SPMAP2L: variants seen among roughly 807,000 people sequenced by gnomAD.
The protein encoded by SPMAP2L is sperm microtubule associated protein 2-like.
chr4:56,602,521 C>T, the SPMAP2L span, among the ~76,000 whole-genome samples: 2 of 151,934 alleles, frequency 1.3e-5, no homozygotes, highest in African/African-American at 2.4e-5. Context: ...GGTGAAACCC[C>T]GTCTGTACTA....
At chr4:56,610,260 A>G in the SPMAP2L span, among the ~76,000 whole-genome samples, 1 of 151,114 alleles carries the variant, frequency 6.6e-6, no homozygotes, top group Admixed American at 6.6e-5. Flanking sequence ...ACATAGTCCA[A>G]TGGAACAGAT....
chr4:56,555,794 G>A, the SPMAP2L span, among the ~76,000 whole-genome samples: 3 of 151,810 alleles, frequency 2.0e-5, no homozygotes, highest in Non-Finnish European at 4.4e-5. Flanking sequence ...GTGGACTTTT[G>A]TATATTAATG....
chr4:56,623,487 G>T, the SPMAP2L span, among the ~76,000 whole-genome samples: 3 of 152,136 alleles, frequency 2.0e-5, no homozygotes, highest in African/African-American at 7.2e-5. Flanking sequence ...CCTAGAGAGA[G>T]AAAAAGAAAG....
the SPMAP2L span, among the ~76,000 whole-genome samples, chr4:56,583,632 T>C: frequency 6.6e-6 from 1 of 152,176 alleles, no homozygotes; most frequent in Non-Finnish European, 1.5e-5. Context: ...GAGCAGCCTA[T>C]GAAAATTGGC....
the SPMAP2L span, chr4:56,557,706 T>G: frequency 8.1e-4 from 124 of 152,262 alleles, no homozygotes; most frequent in African/African-American, 2.8e-3. Flanking sequence ...TGGGTAATTG[T>G]GATGGTGTCA....
the SPMAP2L span, among the ~76,000 whole-genome samples, chr4:56,572,154 A>C: frequency 6.6e-6 from 1 of 152,226 alleles, no homozygotes; most frequent in Admixed American, 6.5e-5. Flanking sequence ...ATCACTATCA[A>C]GTATTATATA....
chr4:56,550,734 G>A, the SPMAP2L span, among the ~76,000 whole-genome samples: 2 of 151,946 alleles, frequency 1.3e-5, no homozygotes, highest in African/African-American at 4.8e-5. Context: ...CTGTTAATTC[G>A]GGGTCATCAT....
the SPMAP2L span, among the ~76,000 whole-genome samples, chr4:56,616,100 A>G: frequency 1.5e-3 from 236 of 152,282 alleles, no homozygotes; most frequent in African/African-American, 5.3e-3. Context: ...GGCTGCCAAC[A>G]TAAAGTGTCA....
At chr4:56,545,329 G>C in the SPMAP2L span, among the ~76,000 whole-genome samples, 1 of 152,106 alleles carries the variant, frequency 6.6e-6, no homozygotes, top group Non-Finnish European at 1.5e-5. Flanking sequence ...ATTGTAGTCT[G>C]TTTATGTAAG....
chr4:56,575,454 T>C, the SPMAP2L span: 1 of 1,527,452 alleles, frequency 6.5e-7, no homozygotes, highest in African/African-American at 1.4e-5. Context: ...ACTATGACAA[T>C]TTGAAATCAT....
At chr4:56,589,098 C>T in the SPMAP2L span, among the ~76,000 whole-genome samples, 1 of 152,086 alleles carries the variant, frequency 6.6e-6, no homozygotes, top group African/African-American at 2.4e-5. Context: ...AAGTGATTCT[C>T]CTGCTTCAGC....
the SPMAP2L span, among the ~76,000 whole-genome samples, chr4:56,589,249 A>G: frequency 3.3e-5 from 5 of 152,100 alleles, no homozygotes; most frequent in African/African-American, 1.2e-4. Context: ...TTGGCCTCCC[A>G]AAGTGCTGGG....
the SPMAP2L span, chr4:56,596,438 C>G: frequency 3.5e-6 from 5 of 1,418,608 alleles, no homozygotes; most frequent in Non-Finnish European, 4.6e-6. Context: ...ACTTTGTAAT[C>G]TTGAACTAAA....
chr4:56,585,429 T>C, the SPMAP2L span, among the ~76,000 whole-genome samples: 1 of 152,170 alleles, frequency 6.6e-6, no homozygotes, highest in African/African-American at 2.4e-5. Flanking sequence ...TCACTGCAGC[T>C]TTGACCTCCC....
the SPMAP2L span, among the ~76,000 whole-genome samples, chr4:56,560,522 C>T: frequency 0.95 from 145,166 of 152,246 alleles, 69,296 homozygotes; most frequent in Middle Eastern, 0.97. Flanking sequence ...AGCCTAAACC[C>T]CTCCTTATCT....
the SPMAP2L span, among the ~76,000 whole-genome samples, chr4:56,607,169 G>T: frequency 0.011 from 1,731 of 152,246 alleles, 30 homozygotes; most frequent in African/African-American, 0.038. Flanking sequence ...CAGAGGTGGG[G>T]CTTTCAGGAG....
the SPMAP2L span, among the ~76,000 whole-genome samples, chr4:56,604,139 G>T: frequency 1.3e-5 from 2 of 152,038 alleles, no homozygotes; most frequent in Non-Finnish European, 2.9e-5. Flanking sequence ...TGTTACAGAG[G>T]GGTAATACCA....
chr4:56,624,313 GA>G, the SPMAP2L span, among the ~76,000 whole-genome samples: 1 of 151,982 alleles, frequency 6.6e-6, no homozygotes, highest in Non-Finnish European at 1.5e-5. Context: ...TTTTAAAAGG[GA>G]AAAAAAGAAC....
chr4:56,618,916 G>A, the SPMAP2L span, among the ~76,000 whole-genome samples: 1 of 152,172 alleles, frequency 6.6e-6, no homozygotes, highest in Non-Finnish European at 1.5e-5. Context: ...AGGGCCATAT[G>A]TCCTGGGCCA....
Sources: allele counts gnomAD v4.1 joint callset (sites outside exome capture counted in the v4.1 genomes callset), GRCh38; gene constraint gnomAD v4.1.1; transcripts MANE v1.5; gene names NCBI Gene and HGNC (gene_info 2026-07-23, HGNC 2026-07-21).